The following XPO5 variants were observed in gnomAD, a reference collection of about 807,000 sequenced individuals.
The protein encoded by XPO5 is exportin 5, also known as exportin-5.
A neutral mutation model predicts 160.6 loss-of-function variants in XPO5; 46 were observed. The observed-to-expected ratio is 0.29, with a 90% CI of 0.23 to 0.37. The LOEUF (loss-of-function observed/expected upper bound fraction) is 0.37. Ranked by LOEUF, XPO5 falls within the 10% of genes least tolerant of loss-of-function variation. The pLI is 1.00. For synonymous variants in XPO5, 537 were observed against 519.3 expected (o/e 1.03, Z -0.46); for missense variants, 1,090 against 1,463.9 (o/e 0.74, Z 4.17).
chr6:43,554,411 G>A (rs1395266825), intron 13 of XPO5, among the ~76,000 whole-genome samples: 2 of 146,270 alleles, frequency 1.4e-5, no homozygotes, highest in Non-Finnish European at 3.0e-5. Flanking sequence ...GTGCCCAGCC[G>A]CTTTTCTTTT....
intron 21 of XPO5, 43 bp downstream of exon 21, chr6:43,533,864 G>A (rs574950430): frequency 1.4e-6 from 2 of 1,444,844 alleles, no homozygotes; most frequent in South Asian, 2.3e-5. Flanking sequence ...ACATCCATTA[G>A]GGATAAGATA....
chr6:43,526,890 C>A, intron 26 of XPO5, 143 bp from the exon 27 acceptor site: 1 of 776,704 alleles, frequency 1.3e-6, no homozygotes, highest in South Asian at 1.6e-5. Context: ...CAAGAATTAG[C>A]TTCACCAATA....
intron 13 of XPO5, among the ~76,000 whole-genome samples, chr6:43,554,391 G>A (rs1335387566): frequency 1.3e-5 from 2 of 150,408 alleles, no homozygotes; most frequent in African/African-American, 2.4e-5. Flanking sequence ...GATTACAGGC[G>A]TGAGCCACTG....
intron 11 of XPO5, among the ~76,000 whole-genome samples, 188 bp downstream of exon 11, chr6:43,559,990 T>C (rs1160097038): frequency 6.6e-6 from 1 of 152,194 alleles, no homozygotes; most frequent in Non-Finnish European, 1.5e-5. Flanking sequence ...CTAATTTTTT[T>C]GTATTTTTAG....
chr6:43,542,389 A>G (rs1794740076), intron 20 of XPO5, among the ~76,000 whole-genome samples: 1 of 152,138 alleles, frequency 6.6e-6, no homozygotes, highest in African/African-American at 2.4e-5. Context: ...TTTCTCTACT[A>G]AAAAAATAGT....
At chr6:43,575,384 G>A (rs1016111898) in intron 1 of XPO5, among the ~76,000 whole-genome samples, 5 of 139,428 alleles carry the variant, frequency 3.6e-5, no homozygotes, top group Admixed American at 3.5e-4. Context: ...GCTGGTGTTG[G>A]GGGCGGGATC....
At chr6:43,526,205 A>G (rs1582192976) in intron 27 of XPO5, 2 of 452,798 alleles carry the variant, frequency 4.4e-6, no homozygotes, top group East Asian at 7.9e-5. Flanking sequence ...TTTGAGCACC[A>G]GACACTGATT....
intron 14 of XPO5, among the ~76,000 whole-genome samples, chr6:43,552,716 A>C (rs1338200039): frequency 1.3e-5 from 2 of 152,114 alleles, no homozygotes; most frequent in Non-Finnish European, 2.9e-5. Flanking sequence ...ATTTCTCTAT[A>C]ATTTAGTAAA....
At chr6:43,530,147 C>T (rs939823117) in intron 23 of XPO5, among the ~76,000 whole-genome samples, 9 of 152,074 alleles carry the variant, frequency 5.9e-5, no homozygotes, top group Non-Finnish European at 1.5e-5. Flanking sequence ...ATCCCAGCTA[C>T]TTGGGAGGCT....
At chr6:43,559,272 C>T (rs773526142) in intron 11 of XPO5, among the ~76,000 whole-genome samples, 8 of 151,978 alleles carry the variant, frequency 5.3e-5, no homozygotes, top group Non-Finnish European at 1.0e-4. Flanking sequence ...ACTCCAGCCT[C>T]GGTGACAGGG....
At chr6:43,525,381 T>C (rs1161154597) in intron 28 of XPO5, 167 bp from the exon 29 acceptor site, 1 of 651,444 alleles carries the variant, frequency 1.5e-6, no homozygotes, top group Non-Finnish European at 2.6e-6. Context: ...CAAGCTATTC[T>C]CCCATCTAAG....
In XPO5 at chr6:43,523,891, G is replaced by C; in HGVS notation, c.3592C>G (p.Leu1198Val). The change falls in exon 32 of 32, where the codon CTG becomes GTG. Residue 1198 changes from leucine to valine, a missense_variant. By Grantham distance (32) the Leu-to-Val change is conservative. This residue lies in a region of XPO5 where 810 missense variants were observed against 1,139.0 expected (regional missense o/e 0.71). Transcript: ENST00000265351. ...ATTCAGGGTTCAAAGATGGTGGCCA[G>C]GCCACCCCCATCATTGTCCAGCACC... ...TEVLDNDGGG[L>V]ATIFEP 6.2e-7 allele frequency: 1 copy of C among 1,614,038 alleles called. No homozygotes were observed. The highest frequency in any genetic ancestry group is 8.5e-7 in the Non-Finnish European group (1 of 1,179,910).
intron 9 of XPO5, chr6:43,561,685 A>G (rs115753497): frequency 6.5e-6 from 1 of 153,018 alleles, no homozygotes; most frequent in African/African-American, 2.4e-5. Flanking sequence ...GGCCCCCTCA[A>G]TGGTTGCTTA....
chr6:43,528,708 C>T, intron 24 of XPO5, 120 bp downstream of exon 24: 1 of 956,808 alleles, frequency 1.0e-6, no homozygotes, highest in Non-Finnish European at 1.6e-6. Context: ...AGAAGCTCTG[C>T]CCAGCCAGTC....
In XPO5 at chr6:43,562,190, T is replaced by G. The variant is rs573639610; in HGVS notation, c.1011+57A>C. The G allele has an allele frequency of 7.7e-6, 11 of 1,428,910 alleles. No individual in the cohort carries two copies. The African/African-American group carries it at 1.6e-4, about 20-fold the overall frequency. The allele number at this position is 1,428,910 out of a possible 1,614,324, so 88.5% of individuals were successfully genotyped here. ...GCAACCCCTCATTGAAACATAAGTTTCTAAATGCTCTTCCCAAATGGGCTT... is the reference window on the plus strand; with the variant it reads ...GCAACCCCTCATTGAAACATAAGTTGCTAAATGCTCTTCCCAAATGGGCTT... On this transcript the variant is annotated intron_variant, in intron 9 of 31. Coordinates refer to ENST00000265351, the MANE Select transcript of XPO5 (RefSeq NM_020750.3).
At chr6:43,527,494 G>C (rs946357714) in intron 26 of XPO5, 140 bp downstream of exon 26, 18 of 770,350 alleles carry the variant, frequency 2.3e-5, no homozygotes, top group Non-Finnish European at 3.6e-5. Context: ...GGATGGTCTT[G>C]ATCTTTTGAC....
rs370740144 is a variant in XPO5, at chr6:43,553,440, T to G, written c.1505A>C (p.Gln502Pro). The G allele has an allele frequency of 1.9e-6, 3 of 1,597,784 alleles. No homozygotes were observed. The highest frequency in any genetic ancestry group is 2.6e-6 in the Non-Finnish European group (3 of 1,171,908). ...CAAAAAAAGAGTCATGGCTTCCCAC[T>G]GCACGAATGAAGGTGAGAAGACGGA... is the stretch of plus-strand genomic sequence containing the variant. Reference protein sequence around the residue: ...LCSVFSPSFVQWEAMTLFLES... With the variant: ...LCSVFSPSFVPWEAMTLFLES... The change falls in exon 14 of 32, where the codon CAG becomes CCG. Residue 502 changes from glutamine to proline, a missense_variant. This residue lies in a region of XPO5 where 810 missense variants were observed against 1,139.0 expected (regional missense o/e 0.71). Transcript: ENST00000265351.
rs1450684575 is a variant in XPO5, at chr6:43,533,999, T to C, written c.2351A>G (p.Asn784Ser). The stretch of plus-strand genomic sequence containing the variant: ...TAGCATTTCTGGTGCATATAATGTA[T>C]TGTGGGTTCTGAAAGAAACAAGAAT... ...DNLLALIRTH[N>S]TLYAPEMLAK... is the part of the protein sequence containing the mutation. The change falls in exon 21 of 32, where the codon AAT becomes AGT. Residue 784 changes from asparagine (N) to serine (S), a missense_variant. By Grantham distance (46) the Asn-to-Ser change is conservative. Transcript: ENST00000265351. The C allele has an allele frequency of 6.3e-7, 1 of 1,599,316 alleles. No homozygotes were observed. Among genetic ancestry groups the C allele is most frequent in the Non-Finnish European group, 8.5e-7 (1 of 1,170,652 alleles).
chr6:43,522,825 G>C lies in XPO5; in HGVS notation c.*1043C>G, dbSNP rs148681590. 4.0e-4 allele frequency: 132 copies of C among 332,074 alleles called. No individual in the cohort carries two copies. Among genetic ancestry groups the C allele is most frequent in the African/African-American group, 2.7e-3 (125 of 46,208 alleles). 20.6% of individuals were successfully genotyped at this position (332,074 alleles called of 1,614,324 possible). A position where few individuals can be genotyped will look rare whatever the true frequency, so the allele number is the denominator to read the frequency against. Reference sequence around the variant, plus strand: ...ACGGCCAGTAATAACCTCAGGGCCAGGTCCCGTATCCATGTCCTCTCTTTA... The same window carrying C: ...ACGGCCAGTAATAACCTCAGGGCCACGTCCCGTATCCATGTCCTCTCTTTA... On this transcript the variant is annotated 3_prime_UTR_variant, in exon 32 of 32. Coordinates refer to ENST00000265351, the MANE Select transcript of XPO5 (RefSeq NM_020750.3).
Sources: allele counts gnomAD v4.1 joint callset (sites outside exome capture counted in the v4.1 genomes callset), GRCh38; gene constraint gnomAD v4.1.1; regional missense constraint gnomAD v4.1.1; transcripts MANE v1.5; gene names NCBI Gene and HGNC (gene_info 2026-07-23, HGNC 2026-07-21).